POR: variants seen among roughly 807,000 people sequenced by gnomAD.
The protein encoded by POR is NADPH--cytochrome P450 reductase.
POR carries 56 observed loss-of-function variants against 84.0 expected under a neutral mutation model. That is an observed-to-expected ratio of 0.67 (90% confidence interval 0.54 to 0.83). The LOEUF is 0.83. Ranked by LOEUF, POR falls within the 40% of genes least tolerant of loss-of-function variation. The pLI, the probability that POR is intolerant of heterozygous loss-of-function variation, is 0.00. For synonymous variants in POR, 414 were observed against 400.5 expected (o/e 1.03, Z -0.40); for missense variants, 938 against 944.3 (o/e 0.99, Z 0.09).
At chr7:75,923,114 C>T in intron 1 of POR, 2 of 835,372 alleles carry the variant, frequency 2.4e-6, no homozygotes, top group Non-Finnish European at 4.1e-6. Context: ...AGTATGTAAC[C>T]TTATGTGACC....
In POR at chr7:75,954,217, C is replaced by T. The variant is rs374688271; in HGVS notation, c.188+37C>T. On this transcript the variant is annotated intron_variant, in intron 2 of 15. Transcript: ENST00000461988. ...CTCTCAGCCTCCTCTCTCTGTCCCT[C>T]TTCTGTCACCACTCCAAGCAGTGTC... 2.0e-5 allele frequency: 31 copies of T among 1,550,820 alleles called. No homozygotes were observed. In the African/African-American group the frequency reaches 4.2e-4, roughly 21 times the overall value.
chr7:75,922,726 G>C, intron 1 of POR: 2 of 371,514 alleles, frequency 5.4e-6, no homozygotes, highest in South Asian at 2.8e-5. Flanking sequence ...GTGGGGTTGC[G>C]CATGTTCAGT....
intron 2 of POR, among the ~76,000 whole-genome samples, chr7:75,959,689 C>T (rs1445364235): frequency 6.6e-6 from 1 of 152,170 alleles, no homozygotes; most frequent in Non-Finnish European, 1.5e-5. Context: ...CTCCTGACCC[C>T]AAGTGATCCA....
At position 75,954,251 on chromosome 7, in the gene POR, G is replaced by A. The variant is rs1340709719; in HGVS notation, c.188+71G>A. 1.3e-5 allele frequency: 19 copies of A among 1,450,320 alleles called. 1 individual carries two copies. The highest frequency in any genetic ancestry group is 1.0e-4 in the Admixed American group (5 of 49,422). The allele number at this position is 1,450,320 out of a possible 1,614,324, so 89.8% of individuals were successfully genotyped here. On this transcript the variant is annotated intron_variant, in intron 2 of 15. Transcript: ENST00000461988. ...CCACTCCAAGCAGTGTCCTGCATGC[G>A]GGCCTCAGGCTGAAAGAAGCAAGGC...
rs782141402 is a variant in POR, at chr7:75,954,058, A to G, written c.66A>G (p.Glu22=). 2 of 1,612,156 alleles carry G rather than the reference A, an allele frequency of 1.2e-6. No individual in the cohort carries two copies. The highest frequency in any genetic ancestry group is 1.7e-6 in the Non-Finnish European group (2 of 1,179,110). Residue 22 remains glutamate (E), a synonymous_variant, in exon 2 of 16, where the codon GAA becomes GAG. Coordinates refer to ENST00000461988, the MANE Select transcript of POR (RefSeq NM_000941.3). ...CCGTGTCCGAGGCGGTGGCCGAAGAAGTATCTCTTTTCAGCATGACGGACA... is the reference window on the plus strand; with the variant it reads ...CCGTGTCCGAGGCGGTGGCCGAAGAGGTATCTCTTTTCAGCATGACGGACA...
rs572921816 is a variant in POR, at chr7:75,978,285, G to A, written c.238-1166G>A. Among the ~76,000 whole-genome samples, 13 of 152,270 alleles carry A rather than the reference G, an allele frequency of 8.5e-5. 1 individual carries two copies. Among genetic ancestry groups the A allele is most frequent in the Middle Eastern group, 6.8e-3 (2 of 294 alleles). On this transcript the variant is annotated intron_variant, in intron 3 of 15. Transcript: ENST00000461988. ...GAGTTCGGAGTTCAAGAATTCAACTGCAGACTGAAAATATTTGGAGAAAAA... is the reference window on the plus strand; with the variant it reads ...GAGTTCGGAGTTCAAGAATTCAACTACAGACTGAAAATATTTGGAGAAAAA...
intron 13 of POR, 25 bp from the exon 14 acceptor site, chr7:75,985,898 G>T (rs782451405): frequency 1.3e-6 from 2 of 1,562,992 alleles, no homozygotes; most frequent in African/African-American, 1.3e-5. Context: ...GGAGCCCCGC[G>T]CTCACCCCGG....
At chr7:75,981,280 C>G in intron 6 of POR, 108 bp downstream of exon 6, 3 of 1,423,182 alleles carry the variant, frequency 2.1e-6, no homozygotes, top group Non-Finnish European at 2.8e-6. Flanking sequence ...GCGACACGCA[C>G]CTCCAACACA....
intron 1 of POR, among the ~76,000 whole-genome samples, chr7:75,930,864 C>CCAGGCTG (rs1245552922): frequency 6.6e-6 from 1 of 151,804 alleles, no homozygotes; most frequent in East Asian, 1.9e-4. Flanking sequence ...GCTCTGTCAC[C>CCAGGCTG]CAGGCTGGAG....
rs1788996647 is a variant in POR, at chr7:75,981,123, C to T, written c.592C>T (p.Leu198Phe). ...GTACGTGGACAAGCGGCTGGAGCAG[C>T]TCGGCGCCCAGCGCATCTTTGAGCT... The change falls in exon 6 of 16, where the codon CTC becomes TTC. Residue 198 changes from leucine to phenylalanine, a missense_variant. Transcript: ENST00000461988. 1 of 1,559,846 alleles carries T rather than the reference C, an allele frequency of 6.4e-7. No individual in the cohort carries two copies. Among genetic ancestry groups the T allele is most frequent in the Non-Finnish European group, 8.7e-7 (1 of 1,152,964 alleles).
rs1554557927 is a variant in POR, at chr7:75,981,498, TCTC to T, written c.642-15_642-13del. ...TGGGCCTCCCCTGAGCCGCTCCCCC[TCTC>T]CTCTCCTCGGCCCAGCTTGGAGGAG... On this transcript the variant is annotated splice_polypyrimidine_tract_variant and intron_variant, in intron 6 of 15. Transcript: ENST00000461988. 1 of 1,603,386 alleles carries T rather than the reference TCTC, an allele frequency of 6.2e-7. No individual in the cohort carries two copies. Among genetic ancestry groups the T allele is most frequent in the African/African-American group, 1.3e-5 (1 of 74,736 alleles).
Position 75,984,787 on chromosome 7 carries a change from C to G in POR, c.1077C>G (p.Asn359Lys). ...GTCTCTTCCCTGCAGAGGAGTCCAA[C>G]AAGAAGCACCCATTCCCGTGCCCTA... The change falls in exon 11 of 16, where the codon AAC becomes AAG. Residue 359 changes from asparagine to lysine, a missense_variant. Coordinates refer to ENST00000461988, the MANE Select transcript of POR (RefSeq NM_000941.3). 1.2e-6 allele frequency: 2 copies of G among 1,612,538 alleles called. No individual in the cohort carries two copies. The highest frequency in any genetic ancestry group is 1.1e-5 in the South Asian group (1 of 91,080).
chr7:75,985,152 G>T lies in POR; in HGVS notation c.1343G>T (p.Cys448Phe). ...CTGCGGCCCCCCATCGACCACCTGTGTGAGCTGCTGCCGCGCCTGCAGGCC... is the reference window on the plus strand; with the variant it reads ...CTGCGGCCCCCCATCGACCACCTGTTTGAGCTGCTGCCGCGCCTGCAGGCC... The change falls in exon 12 of 16, where the codon TGT becomes TTT. Residue 448 changes from cysteine (C) to phenylalanine (F), a missense_variant. Transcript: ENST00000461988. 1.3e-6 allele frequency: 2 copies of T among 1,599,638 alleles called. No individual in the cohort carries two copies. Among genetic ancestry groups the T allele is most frequent in the Non-Finnish European group, 1.7e-6 (2 of 1,179,460 alleles).
rs1207058327 is a variant in POR at position 75,986,805 on chromosome 7, A to AAAT, written c.*328_*330dup. ...CCTCCACGTGATTTCCAGTGAGTGT[A>AAAT]AATAATTTTAAATAACCTCTGGCCC... On this transcript the variant is annotated 3_prime_UTR_variant, in exon 16 of 16. Transcript: ENST00000461988. 2 of 575,348 alleles carry AAAT rather than the reference A, an allele frequency of 3.5e-6. No homozygotes were observed. The highest frequency in any genetic ancestry group is 5.7e-5 in the East Asian group (2 of 35,340). 35.6% of individuals were successfully genotyped at this position (575,348 alleles called of 1,614,324 possible).
intron 1 of POR, among the ~76,000 whole-genome samples, chr7:75,925,601 A>G (rs191270321): frequency 6.6e-6 from 1 of 152,276 alleles, no homozygotes; most frequent in Admixed American, 6.5e-5. Context: ...TCAGCAGCCC[A>G]TGTACTCAGC....
chr7:75,950,639 CAGGTGGCTCATAAGCTTGA>C (rs1164172366), intron 1 of POR, among the ~76,000 whole-genome samples: 2 of 152,168 alleles, frequency 1.3e-5, no homozygotes, highest in African/African-American at 2.4e-5. Flanking sequence ...GAAAATGTGA[CAGGTGGCTCATAAGCTTGA>C]CAGAGATCCT....
intron 3 of POR, among the ~76,000 whole-genome samples, chr7:75,974,759 T>A (rs1788601008): frequency 6.6e-6 from 1 of 152,186 alleles, no homozygotes; most frequent in Non-Finnish European, 1.5e-5. Context: ...ACTCCTGACC[T>A]CAGGTCATCC....
In POR at chr7:75,986,507, C is replaced by T. The variant is rs1436066011; in HGVS notation, c.*26C>T. 1.9e-6 allele frequency: 3 copies of T among 1,600,400 alleles called. No homozygotes were observed. The highest frequency in any genetic ancestry group is 1.7e-6 in the Non-Finnish European group (2 of 1,177,922). ...GGGCCTGCCTGCCCCACCCACCCCACAGACTCCGGCCTGTAATCAGCTCTC... is the reference window on the plus strand; with the variant it reads ...GGGCCTGCCTGCCCCACCCACCCCATAGACTCCGGCCTGTAATCAGCTCTC... On this transcript the variant is annotated 3_prime_UTR_variant, in exon 16 of 16. Coordinates refer to ENST00000461988, the MANE Select transcript of POR (RefSeq NM_000941.3).
At chr7:75,933,053 C>T (rs1182079584) in intron 1 of POR, among the ~76,000 whole-genome samples, 1 of 151,322 alleles carries the variant, frequency 6.6e-6, no homozygotes, top group Non-Finnish European at 1.5e-5. Context: ...AAAGTATGTC[C>T]TGTAATATGC....
Sources: allele counts gnomAD v4.1 joint callset (sites outside exome capture counted in the v4.1 genomes callset), GRCh38; gene constraint gnomAD v4.1.1; transcripts MANE v1.5; gene names NCBI Gene and HGNC (gene_info 2026-07-23, HGNC 2026-07-21).